Variants in CCDC158 observed in about 807,000 individuals in gnomAD.
CCDC158 encodes coiled-coil domain containing 158, also known as coiled-coil domain-containing protein 158.
Under a neutral mutation model 138.6 loss-of-function variants are expected in CCDC158, and 116 were observed. That is an observed-to-expected ratio of 0.84 (90% confidence interval 0.72 to 0.98). The LOEUF (loss-of-function observed/expected upper bound fraction) is 0.98. CCDC158 is among the 50% of genes least tolerant of loss of function. CCDC158 has a pLI of 0.00. For missense variants in CCDC158, 1,265 were observed against 1,306.1 expected, an observed-to-expected ratio of 0.97 and a Z score of 0.48; for synonymous variants, 436 against 442.4, an observed-to-expected ratio of 0.99 and a Z score of 0.18.
At chr4:76,357,991 G>GCA (rs3041129) in intron 13 of CCDC158, among the ~76,000 whole-genome samples, 83,622 of 148,664 alleles carry the variant, frequency 0.56, 24,232 homozygotes, top group East Asian at 0.78. Context: ...ACACATGTGT[G>GCA]CACACACACA....
Position 76,362,273 on chromosome 4 carries a change from C to T in CCDC158, c.1873G>A (p.Ala625Thr), listed in dbSNP as rs765693543. The T allele has an allele frequency of 6.2e-7, 1 of 1,613,984 alleles. No homozygotes were observed. Among genetic ancestry groups the T allele is most frequent in the Non-Finnish European group, 8.5e-7 (1 of 1,179,978 alleles). ...TCCAGCTCCAAGTCACTCACTCTGG[C>T]CTCAAGCTCCCGGATCTTTGCATCT... The part of the protein sequence containing the change: ...KKDAKIRELE[A>T]RVSDLELEKV... Residue 625 changes from alanine (A) to threonine (T), a missense_variant, in exon 13 of 25, where the codon GCC becomes ACC. Physicochemically the swap from Ala to Thr is moderately conservative, Grantham distance 58 (BLOSUM62 0). Transcript: ENST00000682701.
chr4:76,401,248 A>G (rs1417259325), intron 3 of CCDC158: 10 of 427,884 alleles, frequency 2.3e-5, no homozygotes, highest in South Asian at 1.1e-4. Flanking sequence ...CACTCCCACA[A>G]GCATGGTGAA....
intron 18 of CCDC158, among the ~76,000 whole-genome samples, chr4:76,341,359 G>A (rs894392318): frequency 6.6e-6 from 1 of 152,132 alleles, no homozygotes; most frequent in Non-Finnish European, 1.5e-5. Context: ...ATTCTATTTT[G>A]AGAATGTCTG....
intron 4 of CCDC158, among the ~76,000 whole-genome samples, chr4:76,390,715 A>T (rs10000618): frequency 1.2e-4 from 18 of 152,146 alleles, no homozygotes; most frequent in African/African-American, 4.1e-4. Context: ...ACAAGACTCA[A>T]TGATCTGTTG....
intron 1 of CCDC158, among the ~76,000 whole-genome samples, chr4:76,419,124 A>G (rs1355072581): frequency 6.6e-6 from 1 of 152,148 alleles, no homozygotes. Flanking sequence ...TATTCTTTTT[A>G]GCCAGAGCAA....
chr4:76,386,953 G>A (rs969934776), intron 4 of CCDC158, among the ~76,000 whole-genome samples: 2 of 152,318 alleles, frequency 1.3e-5, no homozygotes, highest in Middle Eastern at 3.4e-3. Context: ...ACCACATGCT[G>A]AAATGCGCTG....
At chr4:76,322,578 A>C (rs1483168805) in intron 24 of CCDC158, among the ~76,000 whole-genome samples, 1 of 152,234 alleles carries the variant, frequency 6.6e-6, no homozygotes, top group Non-Finnish European at 1.5e-5. Flanking sequence ...TCGTTCTTAG[A>C]ATAGTATTTT....
At chr4:76,412,361 C>T (rs939421731) in intron 1 of CCDC158, among the ~76,000 whole-genome samples, 1 of 152,088 alleles carries the variant, frequency 6.6e-6, no homozygotes, top group East Asian at 1.9e-4. Flanking sequence ...ACCTGTAATC[C>T]CAACACTTTG....
intron 13 of CCDC158, among the ~76,000 whole-genome samples, chr4:76,359,710 T>C (rs1312961905): frequency 1.3e-5 from 2 of 152,220 alleles, no homozygotes; most frequent in African/African-American, 4.8e-5. Context: ...GCCTGGCTGC[T>C]CCTAAAAGCC....
In CCDC158 at chr4:76,357,519, A is replaced by G. The variant is rs1438768751; in HGVS notation, c.2028T>C (p.Tyr676=). 2 of 1,538,826 alleles carry G rather than the reference A, an allele frequency of 1.3e-6. No individual in the cohort carries two copies. ...TTCGGAAATTCCTTTTTAAGACTTC[A>G]TACTCCTCTATACAATGTGATAATC... ...RSELNNLSEE[Y]EVLKRNFRNK... is the part of the protein sequence containing the mutation. The change falls in exon 14 of 25, where the codon TAT becomes TAC. Residue 676 remains tyrosine, a synonymous_variant. Coordinates refer to ENST00000682701, the MANE Select transcript of CCDC158 (RefSeq NM_001394954.1).
intron 4 of CCDC158, among the ~76,000 whole-genome samples, chr4:76,387,918 C>T (rs1262229378): frequency 6.6e-6 from 1 of 151,516 alleles, no homozygotes; most frequent in African/African-American, 2.4e-5. Context: ...GGGGCTGAGG[C>T]AGGAGAATCA....
chr4:76,359,246 CAAATTA>C (rs1445545683), intron 13 of CCDC158, among the ~76,000 whole-genome samples: 1 of 152,154 alleles, frequency 6.6e-6, no homozygotes, highest in Non-Finnish European at 1.5e-5. Flanking sequence ...CTTTTCTTCA[CAAATTA>C]CTCATTCTCA....
chr4:76,328,783 A>T, intron 22 of CCDC158, 117 bp downstream of exon 22: 1 of 761,506 alleles, frequency 1.3e-6, no homozygotes. Context: ...AGTAGCAGGA[A>T]ATGAGGCCAG....
At chr4:76,395,229 C>G (rs1049150514) in intron 4 of CCDC158, among the ~76,000 whole-genome samples, 4 of 152,134 alleles carry the variant, frequency 2.6e-5, no homozygotes, top group Admixed American at 6.6e-5. Context: ...GGTAATGCCA[C>G]TGTTTATATG....
chr4:76,363,465 G>A (rs182493426), intron 12 of CCDC158, among the ~76,000 whole-genome samples: 198 of 152,244 alleles, frequency 1.3e-3, no homozygotes, highest in African/African-American at 4.6e-3. Context: ...TGAGTCTGGC[G>A]AGTCCTCCTA....
In CCDC158 at chr4:76,332,487, C is replaced by T; in HGVS notation, c.2827G>A (p.Asp943Asn). ...SLGALYVAVE[D>N]RVRDCITESS... is the part of the protein sequence containing the mutation. Reference sequence around the variant, plus strand: ...TCAGTAATGCAATCTCTTACCCTATCCTCTCTGTATAGAAAATATAACTCT... The same window carrying T: ...TCAGTAATGCAATCTCTTACCCTATTCTCTCTGTATAGAAAATATAACTCT... Residue 943 changes from aspartate (D) to asparagine (N), a missense_variant, in exon 20 of 25, where the codon GAT becomes AAT. Asp to Asn is a conservative substitution (Grantham distance 23). Coordinates refer to ENST00000682701, the MANE Select transcript of CCDC158 (RefSeq NM_001394954.1). 6.2e-7 allele frequency: 1 copy of T among 1,604,748 alleles called. No homozygotes were observed. Among genetic ancestry groups the T allele is most frequent in the Non-Finnish European group, 8.5e-7 (1 of 1,174,062 alleles).
chr4:76,418,769 T>C (rs368180890), intron 1 of CCDC158, among the ~76,000 whole-genome samples: 17 of 152,224 alleles, frequency 1.1e-4, no homozygotes, highest in African/African-American at 3.6e-4. Flanking sequence ...CACACGGGAA[T>C]TGTGGGAGCT....
At chr4:76,331,455 A>G (rs1721004304) in intron 20 of CCDC158, 52 bp from the exon 21 acceptor site, 1 of 1,471,706 alleles carries the variant, frequency 6.8e-7, no homozygotes, top group Non-Finnish European at 9.5e-7. Context: ...TTATTTCCTT[A>G]CCAATATAAC....
intron 2 of CCDC158, among the ~76,000 whole-genome samples, chr4:76,407,816 G>A (rs995170399): frequency 6.6e-6 from 1 of 152,112 alleles, no homozygotes; most frequent in Non-Finnish European, 1.5e-5. Context: ...TTAGAGAGTA[G>A]AGAAAAGAAG....
Sources: allele counts gnomAD v4.1 joint callset (sites outside exome capture counted in the v4.1 genomes callset), GRCh38; gene constraint gnomAD v4.1.1; transcripts MANE v1.5; gene names NCBI Gene and HGNC (gene_info 2026-07-23, HGNC 2026-07-21).